Variants in OSBPL8 observed in about 807,000 individuals in gnomAD.
OSBPL8 encodes the protein oxysterol binding protein like 8.
A neutral mutation model predicts 125.5 loss-of-function variants in OSBPL8; 59 were observed. The observed-to-expected ratio is 0.47, with a 90% CI of 0.38 to 0.58. The LOEUF is 0.58. OSBPL8 is among the 20% of genes least tolerant of loss of function. OSBPL8 has a pLI of 0.00. For synonymous variants in OSBPL8, 330 were observed against 338.9 expected (o/e 0.97, Z 0.29); for missense variants, 758 against 1,047.8 (o/e 0.72, Z 3.82).
intron 1 of OSBPL8, among the ~76,000 whole-genome samples, chr12:76,511,715 G>A (rs1021562884): frequency 6.6e-6 from 1 of 152,178 alleles, no homozygotes; most frequent in Admixed American, 6.5e-5. Flanking sequence ...CTGTGCAGAA[G>A]CTCTTAAGCT....
At chr12:76,504,443 G>A (rs749034128) in intron 1 of OSBPL8, among the ~76,000 whole-genome samples, 3 of 152,208 alleles carry the variant, frequency 2.0e-5, no homozygotes, top group Non-Finnish European at 4.4e-5. Context: ...GATTATAGAT[G>A]TGACTTACAT....
At chr12:76,449,969 C>CAT (rs146438696) in intron 4 of OSBPL8, among the ~76,000 whole-genome samples, 1,611 of 151,702 alleles carry the variant, frequency 0.011, 38 homozygotes, top group African/African-American at 0.037. Context: ...AAACCCCCCC[C>CAT]ATATATATAT....
At chr12:76,405,808 ACT>A (rs1954238458) in intron 5 of OSBPL8, among the ~76,000 whole-genome samples, 1 of 151,760 alleles carries the variant, frequency 6.6e-6, no homozygotes, top group Non-Finnish European at 1.5e-5. Context: ...TTTATTGACC[ACT>A]CTCTTAATGA....
chr12:76,382,959 T>C (rs4261331), intron 15 of OSBPL8, among the ~76,000 whole-genome samples: 74,468 of 152,108 alleles, frequency 0.49, 19,933 homozygotes, highest in East Asian at 0.9. Context: ...TCTGCATATG[T>C]TATAAAACTC....
intron 1 of OSBPL8, among the ~76,000 whole-genome samples, chr12:76,538,163 A>T (rs1383862625): frequency 6.6e-6 from 1 of 152,172 alleles, no homozygotes; most frequent in Admixed American, 6.5e-5. Context: ...AATAACCTTA[A>T]CGACTTTTGC....
At chr12:76,547,375 A>C (rs575299065) in intron 1 of OSBPL8, among the ~76,000 whole-genome samples, 202 of 152,328 alleles carry the variant, frequency 1.3e-3, no homozygotes, top group African/African-American at 4.6e-3. Context: ...GTATGGGAAA[A>C]GAAGTAAAAG....
chr12:76,411,998 G>A lies in OSBPL8; in HGVS notation c.218-1364C>T, dbSNP rs150500536. Among the ~76,000 whole-genome samples the A allele has an allele frequency of 1.4e-4, 21 of 152,170 alleles. No homozygotes were observed. In the East Asian group the frequency reaches 3.1e-3, roughly 22 times the overall value. Reference sequence around the variant, plus strand: ...TTAAAGTTAAATGTACATTCTACACGGAGGAATTCTAATCCTAGATATACC... The same window carrying A: ...TTAAAGTTAAATGTACATTCTACACAGAGGAATTCTAATCCTAGATATACC... On this transcript the variant is annotated intron_variant, in intron 4 of 23. Coordinates refer to ENST00000261183, the MANE Select transcript of OSBPL8 (RefSeq NM_020841.5).
intron 10 of OSBPL8, among the ~76,000 whole-genome samples, chr12:76,392,213 T>C (rs556166458): frequency 2.0e-5 from 3 of 152,300 alleles, no homozygotes; most frequent in Non-Finnish European, 4.4e-5. Flanking sequence ...CTCATAGTTA[T>C]AAGGTTTCAC....
chr12:76,527,287 C>G (rs73385558), intron 1 of OSBPL8, among the ~76,000 whole-genome samples: 2 of 152,018 alleles, frequency 1.3e-5, no homozygotes, highest in African/African-American at 4.8e-5. Flanking sequence ...CTTACAATAA[C>G]TACAACCAAT....
At position 76,356,804 on chromosome 12, in the gene OSBPL8, A is replaced by G. The variant is rs190307804; in HGVS notation, c.2435-76T>C. The G allele has an allele frequency of 1.1e-3, 1,095 of 1,004,708 alleles. 12 individuals are homozygous for G. The African/African-American group carries it at 0.016, about 15-fold the overall frequency. The allele number at this position is 1,004,708 out of a possible 1,614,324, so 62.2% of individuals were successfully genotyped here. A position where few individuals can be genotyped will look rare whatever the true frequency, so the allele number is the denominator to read the frequency against. On this transcript the variant is annotated intron_variant, in intron 22 of 23. Coordinates refer to ENST00000261183, the MANE Select transcript of OSBPL8 (RefSeq NM_020841.5). ...CAATTTAATGTGTCTCATGTAATAA[A>G]AATTTTCCTGGGCATTTGTTTTTGT...
At chr12:76,489,975 C>T (rs765205014) in intron 1 of OSBPL8, among the ~76,000 whole-genome samples, 6 of 152,150 alleles carry the variant, frequency 3.9e-5, no homozygotes, top group Admixed American at 3.3e-4. Context: ...CCAACCCTTA[C>T]GGATGACTTT....
At chr12:76,510,379 T>G (rs968348885) in intron 1 of OSBPL8, among the ~76,000 whole-genome samples, 8 of 152,178 alleles carry the variant, frequency 5.3e-5, no homozygotes, top group African/African-American at 1.9e-4. Flanking sequence ...CATCAGCATT[T>G]TGCCCCGAGG....
At chr12:76,448,130 TGG>T (rs1872936007) in intron 4 of OSBPL8, among the ~76,000 whole-genome samples, 1 of 152,198 alleles carries the variant, frequency 6.6e-6, no homozygotes, top group Non-Finnish European at 1.5e-5. Context: ...TTAAGTATTT[TGG>T]GGTACGTCAT....
At chr12:76,360,639 C>T (rs555894135) in intron 21 of OSBPL8, among the ~76,000 whole-genome samples, 1 of 152,362 alleles carries the variant, frequency 6.6e-6, no homozygotes, top group South Asian at 2.1e-4. Context: ...GGCCGTGCCC[C>T]TGCAGCAATC....
intron 1 of OSBPL8, among the ~76,000 whole-genome samples, chr12:76,510,696 A>G (rs565275476): frequency 6.6e-6 from 1 of 152,124 alleles, no homozygotes; most frequent in South Asian, 2.1e-4. Flanking sequence ...CCTGACCAAC[A>G]TGGAGAAACC....
intron 4 of OSBPL8, among the ~76,000 whole-genome samples, chr12:76,436,223 T>G (rs937947245): frequency 2.6e-5 from 4 of 152,280 alleles, no homozygotes. Flanking sequence ...ATGGGCTTTG[T>G]ATTTGGATTA....
At chr12:76,369,882 T>C in intron 19 of OSBPL8, 60 bp from the exon 20 acceptor site, 5 of 1,450,264 alleles carry the variant, frequency 3.4e-6, no homozygotes, top group Admixed American at 2.2e-5. Flanking sequence ...AAAATCTATA[T>C]AGAATAGGCC....
At chr12:76,383,441 A>G (rs1290806315) in intron 15 of OSBPL8, among the ~76,000 whole-genome samples, 1 of 151,926 alleles carries the variant, frequency 6.6e-6, no homozygotes, top group Non-Finnish European at 1.5e-5. Flanking sequence ...CAAGGGAAAT[A>G]AAAGACACCT....
At chr12:76,553,781 G>A (rs1030298391) in intron 1 of OSBPL8, among the ~76,000 whole-genome samples, 2 of 151,614 alleles carry the variant, frequency 1.3e-5, no homozygotes, top group Non-Finnish European at 2.9e-5. Context: ...TTCGAGAACA[G>A]CCTGGCCAAT....
Sources: gnomAD v4.1 joint callset for allele counts (sites outside exome capture counted in the v4.1 genomes callset) on GRCh38, gnomAD v4.1.1 for gene constraint, MANE v1.5 for transcripts, NCBI Gene and HGNC (gene_info 2026-07-23, HGNC 2026-07-21) for gene names.